Variants in BMPR1A observed in about 807,000 individuals in gnomAD.
BMPR1A encodes the protein bone morphogenetic protein receptor type-1A.
Under a neutral mutation model 66.0 loss-of-function variants are expected in BMPR1A, and 7 were observed. That is an observed-to-expected ratio of 0.11 (90% CI 0.06 to 0.20). The LOEUF (loss-of-function observed/expected upper bound fraction) is 0.20. Ranked by LOEUF, BMPR1A falls within the 10% of genes least tolerant of loss-of-function variation. The pLI, the probability that BMPR1A is intolerant of heterozygous loss-of-function variation, is 1.00. For missense variants in BMPR1A, 408 were observed against 669.1 expected (o/e 0.61, Z 4.31); for synonymous variants, 200 against 229.7 (o/e 0.87, Z 1.17).
At chr10:86,791,648 G>A (rs372361965) in intron 1 of BMPR1A, among the ~76,000 whole-genome samples, 6 of 144,370 alleles carry the variant, frequency 4.2e-5, no homozygotes, top group East Asian at 4.4e-4. Context: ...ATTAAGAGAC[G>A]TACATTTCCA....
intron 10 of BMPR1A, among the ~76,000 whole-genome samples, chr10:86,921,097 GC>G (rs1252616126): frequency 1.3e-5 from 2 of 151,978 alleles, no homozygotes; most frequent in African/African-American, 4.8e-5. Flanking sequence ...CAGGTGATGC[GC>G]CCGCCTTGGC....
intron 7 of BMPR1A, among the ~76,000 whole-genome samples, chr10:86,911,448 A>G (rs986208538): frequency 6.6e-6 from 1 of 152,160 alleles, no homozygotes; most frequent in South Asian, 2.1e-4. Context: ...ATAATGTGCA[A>G]TAAACACAAA....
chr10:86,898,479 C>T (rs1031309822), intron 5 of BMPR1A, among the ~76,000 whole-genome samples: 1 of 152,136 alleles, frequency 6.6e-6, no homozygotes, highest in East Asian at 1.9e-4. Context: ...ATCGTAAGAT[C>T]TCTTCGTACA....
chr10:86,893,781 C>G (rs1392586565), intron 5 of BMPR1A, among the ~76,000 whole-genome samples: 2 of 145,382 alleles, frequency 1.4e-5, no homozygotes, highest in African/African-American at 2.5e-5. Flanking sequence ...GAGCGAGACT[C>G]TGTCTCAAAA....
At chr10:86,815,882 T>G (rs1332711394) in intron 1 of BMPR1A, among the ~76,000 whole-genome samples, 1 of 152,192 alleles carries the variant, frequency 6.6e-6, no homozygotes, top group Non-Finnish European at 1.5e-5. Context: ...TGAGGGAGGT[T>G]GTGTTACTTC....
chr10:86,853,883 A>G (rs1471202459), intron 2 of BMPR1A, among the ~76,000 whole-genome samples: 11 of 152,282 alleles, frequency 7.2e-5, no homozygotes, highest in Admixed American at 6.5e-4. Flanking sequence ...TTGCTAATGA[A>G]GTTTCGGGCA....
chr10:86,918,702 C>T (rs1032699752), intron 9 of BMPR1A, among the ~76,000 whole-genome samples: 2 of 151,440 alleles, frequency 1.3e-5, no homozygotes, highest in African/African-American at 2.4e-5. Flanking sequence ...TGGCTCACTG[C>T]AACCTCTGCC....
chr10:86,761,478 G>A (rs1266550979), intron 1 of BMPR1A, among the ~76,000 whole-genome samples: 1 of 152,194 alleles, frequency 6.6e-6, no homozygotes, highest in African/African-American at 2.4e-5. Context: ...CAGTTAGGGA[G>A]ATTAGTTACA....
intron 2 of BMPR1A, among the ~76,000 whole-genome samples, chr10:86,848,219 C>G (rs1168383438): frequency 6.6e-6 from 1 of 152,146 alleles, no homozygotes; most frequent in African/African-American, 2.4e-5. Flanking sequence ...GCGTGAGCCA[C>G]CACGCCTGGT....
chr10:86,905,811 CAA>C (rs200605846), intron 7 of BMPR1A, among the ~76,000 whole-genome samples: 2 of 123,776 alleles, frequency 1.6e-5, no homozygotes, highest in African/African-American at 3.0e-5. Flanking sequence ...GTGATTACAG[CAA>C]AAAAAAAAAA....
intron 1 of BMPR1A, among the ~76,000 whole-genome samples, chr10:86,758,762 C>G (rs1011505752): frequency 6.6e-6 from 1 of 152,176 alleles, no homozygotes; most frequent in African/African-American, 2.4e-5. Flanking sequence ...ATTTCTTAAC[C>G]CCTTGTTATC....
At chr10:86,764,331 A>G (rs886653269) in intron 1 of BMPR1A, among the ~76,000 whole-genome samples, 11 of 152,228 alleles carry the variant, frequency 7.2e-5, no homozygotes, top group Non-Finnish European at 1.2e-4. Flanking sequence ...TCATTTAAAA[A>G]TGTCATGAAA....
chr10:86,769,817 G>T (rs187656813), intron 1 of BMPR1A, among the ~76,000 whole-genome samples: 3 of 152,190 alleles, frequency 2.0e-5, no homozygotes, highest in African/African-American at 7.2e-5. Flanking sequence ...TATTAATTAC[G>T]CAGCAGGCTG....
intron 2 of BMPR1A, among the ~76,000 whole-genome samples, chr10:86,865,183 C>T (rs963747454): frequency 1.3e-5 from 2 of 151,886 alleles, no homozygotes; most frequent in Non-Finnish European, 2.9e-5. Context: ...GATGACATTC[C>T]ACCACAAAAG....
At chr10:86,788,516 A>T (rs947407904) in intron 1 of BMPR1A, among the ~76,000 whole-genome samples, 1 of 152,228 alleles carries the variant, frequency 6.6e-6, no homozygotes, top group Non-Finnish European at 1.5e-5. Flanking sequence ...AAGCACATGG[A>T]TAATTTTACC....
chr10:86,899,456 C>A (rs1421848112), intron 5 of BMPR1A, among the ~76,000 whole-genome samples: 3 of 152,216 alleles, frequency 2.0e-5, no homozygotes, highest in Non-Finnish European at 4.4e-5. Flanking sequence ...CGACACCCTC[C>A]ACTTTTTAGT....
chr10:86,767,055 C>T (rs562412637), intron 1 of BMPR1A, among the ~76,000 whole-genome samples: 4 of 152,204 alleles, frequency 2.6e-5, no homozygotes, highest in African/African-American at 7.2e-5. Context: ...ATCTCGTGAC[C>T]TCGTGATCCG....
At chr10:86,791,871 GC>G (rs1267464731) in intron 1 of BMPR1A, among the ~76,000 whole-genome samples, 1 of 146,178 alleles carries the variant, frequency 6.8e-6, no homozygotes, top group Non-Finnish European at 1.5e-5. Flanking sequence ...ACAGATGTGT[GC>G]CACCATGCCT....
chr10:86,767,152 G>T (rs542919436), intron 1 of BMPR1A, among the ~76,000 whole-genome samples: 1 of 152,180 alleles, frequency 6.6e-6, no homozygotes, highest in African/African-American at 2.4e-5. Context: ...TTGCCAGTTT[G>T]CCAGCTGAAA....
Sources: allele counts gnomAD v4.1 joint callset (sites outside exome capture counted in the v4.1 genomes callset), GRCh38; gene constraint gnomAD v4.1.1; transcripts MANE v1.5; gene names NCBI Gene and HGNC (gene_info 2026-07-23, HGNC 2026-07-21).